The following SCN8A variants were observed in gnomAD, a reference collection of about 807,000 sequenced individuals.
The protein encoded by SCN8A is sodium channel protein type 8 subunit alpha.
In SCN8A, 30 loss-of-function variants were observed where a neutral mutation model predicts 184.1. The ratio of observed to expected loss-of-function variants is 0.16; its 90% CI spans 0.12 to 0.22. The LOEUF (loss-of-function observed/expected upper bound fraction) is 0.22. SCN8A is among the 10% of genes least tolerant of loss of function. The pLI, the probability that SCN8A is intolerant of heterozygous loss-of-function variation, is 1.00. For missense variants in SCN8A, 1,057 were observed against 2,498.9 expected (o/e 0.42, Z 12.30); for synonymous variants, 852 against 907.0 (o/e 0.94, Z 1.09).
Position 51,809,616 on chromosome 12 carries a change from A to C in SCN8A, c.*2187A>C, listed in dbSNP as rs187216558. ...CTGCTAACTGCTAGGATGAATGTAT[A>C]GTAACATGTACAGGCTACATTGTAA... is the stretch of plus-strand genomic sequence containing the variant. On this transcript the variant is annotated 3_prime_UTR_variant, in exon 27 of 27. Coordinates refer to ENST00000627620, the MANE Select transcript of SCN8A (RefSeq NM_001330260.2). 6.6e-6 allele frequency: 1 copy of C among 152,384 alleles called. No homozygotes were observed. Among genetic ancestry groups the C allele is most frequent in the Admixed American group, 6.5e-5 (1 of 15,312 alleles). The allele number at this position is 152,384 out of a possible 1,614,324, so 9.4% of individuals were successfully genotyped here. A position where few individuals can be genotyped will look rare whatever the true frequency, so the allele number is the denominator to read the frequency against.
intron 20 of SCN8A, among the ~76,000 whole-genome samples, chr12:51,779,940 G>A (rs1284637872): frequency 6.6e-6 from 1 of 152,072 alleles, no homozygotes; most frequent in Non-Finnish European, 1.5e-5. Flanking sequence ...AGAGATAGAA[G>A]GATGTATTTA....
intron 1 of SCN8A, among the ~76,000 whole-genome samples, chr12:51,618,504 CACACAG>C (rs1318474661): frequency 1.5e-3 from 159 of 105,130 alleles, no homozygotes; most frequent in African/African-American, 4.7e-3. Context: ...CACACACACA[CACACAG>C]AAAGAAAAAA....
intron 1 of SCN8A, among the ~76,000 whole-genome samples, chr12:51,616,051 G>C (rs1335579490): frequency 6.6e-6 from 1 of 152,020 alleles, no homozygotes; most frequent in Non-Finnish European, 1.5e-5. Flanking sequence ...ATATTTTAAA[G>C]ACCCTAAAAG....
chr12:51,642,088 C>T lies in SCN8A; in HGVS notation c.-54-20676C>T, dbSNP rs35759569. 2.1e-3 allele frequency among the ~76,000 whole-genome samples: 327 copies of T among 152,360 alleles called. 2 individuals are homozygous for T. The highest frequency in any genetic ancestry group is 4.1e-3 in the Non-Finnish European group (277 of 68,034). The stretch of plus-strand genomic sequence containing the variant: ...GCACCATGCTCTGCAGCGTCAGCCA[C>T]ATTCCTAGATTGCTCCTTCCTGGTC... On this transcript the variant is annotated intron_variant, in intron 1 of 26. Coordinates refer to ENST00000627620, the MANE Select transcript of SCN8A (RefSeq NM_001330260.2).
intron 1 of SCN8A, among the ~76,000 whole-genome samples, chr12:51,659,464 C>T (rs1225786357): frequency 6.6e-6 from 1 of 152,126 alleles, no homozygotes; most frequent in Non-Finnish European, 1.5e-5. Flanking sequence ...ATTATACCTT[C>T]AAAAAATTTA....
At chr12:51,631,378 A>T (rs1940192945) in intron 1 of SCN8A, among the ~76,000 whole-genome samples, 1 of 152,184 alleles carries the variant, frequency 6.6e-6, no homozygotes, top group Non-Finnish European at 1.5e-5. Context: ...AGAAAACCTT[A>T]CTTGGGGGTC....
intron 2 of SCN8A, among the ~76,000 whole-genome samples, chr12:51,677,322 A>C (rs1941239344): frequency 1.3e-5 from 2 of 152,030 alleles, no homozygotes; most frequent in Admixed American, 6.6e-5. Flanking sequence ...TCCTGGGCTC[A>C]AGCGATCTTC....
At chr12:51,744,252 G>A (rs554657436) in intron 12 of SCN8A, among the ~76,000 whole-genome samples, 7 of 152,334 alleles carry the variant, frequency 4.6e-5, no homozygotes, top group Admixed American at 1.3e-4. Flanking sequence ...GCGGTAAGCC[G>A]AGATCATGCC....
intron 11 of SCN8A, among the ~76,000 whole-genome samples, chr12:51,710,652 C>G (rs919150316): frequency 3.9e-5 from 6 of 152,076 alleles, no homozygotes; most frequent in Non-Finnish European, 8.8e-5. Context: ...GAACAAGACC[C>G]TGTCTCCAAA....
At chr12:51,662,620 A>G (rs1355226364) in intron 1 of SCN8A, 144 bp from the exon 2 acceptor site, 4 of 599,126 alleles carry the variant, frequency 6.7e-6, no homozygotes, top group Non-Finnish European at 1.2e-5. Flanking sequence ...AGATTTCCTG[A>G]AAAGAAAAAT....
intron 6 of SCN8A, among the ~76,000 whole-genome samples, chr12:51,698,362 C>T (rs998135494): frequency 3.9e-5 from 6 of 152,222 alleles, no homozygotes; most frequent in Admixed American, 3.9e-4. Flanking sequence ...GATTAGGATT[C>T]CCTTGAATTT....
At chr12:51,637,159 A>G (rs1309105042) in intron 1 of SCN8A, among the ~76,000 whole-genome samples, 9 of 152,304 alleles carry the variant, frequency 5.9e-5, no homozygotes, top group African/African-American at 1.9e-4. Context: ...AGGGAACTTA[A>G]TAAATGTTAT....
chr12:51,735,610 C>A (rs573459129), intron 12 of SCN8A, among the ~76,000 whole-genome samples: 1 of 152,166 alleles, frequency 6.6e-6, no homozygotes, highest in Admixed American at 6.5e-5. Context: ...CTGGTTGTCC[C>A]GCTTTCCTCA....
At chr12:51,601,864 T>G (rs1939473369) in intron 1 of SCN8A, among the ~76,000 whole-genome samples, 1 of 150,038 alleles carries the variant, frequency 6.7e-6, no homozygotes, top group South Asian at 2.1e-4. Context: ...GGTTTTTTTT[T>G]TTTTTTTTTT....
Position 51,765,665 on chromosome 12 carries a change from C to G in SCN8A, c.2545-6C>G. ...ATTTTTTTGTTTGGGTTTTTTTTTT[C>G]CTTAGCTCCGAGTCTTCAAATTGGC... On this transcript the variant is annotated splice_region_variant and splice_polypyrimidine_tract_variant and intron_variant, in intron 15 of 26. Coordinates refer to ENST00000627620, the MANE Select transcript of SCN8A (RefSeq NM_001330260.2). 1 of 1,205,720 alleles carries G rather than the reference C, an allele frequency of 8.3e-7. No individual in the cohort carries two copies. Among genetic ancestry groups the G allele is most frequent in the Non-Finnish European group, 1.1e-6 (1 of 920,216 alleles). The allele number at this position is 1,205,720 out of a possible 1,614,324, so 74.7% of individuals were successfully genotyped here. A position where few individuals can be genotyped will look rare whatever the true frequency, so the allele number is the denominator to read the frequency against.
At chr12:51,615,849 A>G (rs1939825093) in intron 1 of SCN8A, among the ~76,000 whole-genome samples, 1 of 152,102 alleles carries the variant, frequency 6.6e-6, no homozygotes, top group Non-Finnish European at 1.5e-5. Context: ...TCCTGGGTAG[A>G]TAGGACTATA....
chr12:51,658,326 C>T (rs1472802111), intron 1 of SCN8A, among the ~76,000 whole-genome samples: 1 of 151,886 alleles, frequency 6.6e-6, no homozygotes, highest in Non-Finnish European at 1.5e-5. Flanking sequence ...GATCTTTCAC[C>T]TTCCTGGTTA....
At chr12:51,794,233 C>A (rs957163198) in intron 25 of SCN8A, 138 bp from the exon 26 acceptor site, 1 of 751,746 alleles carries the variant, frequency 1.3e-6, no homozygotes, top group East Asian at 2.5e-5. Context: ...CATCCATGCT[C>A]CTGATAGAGC....
intron 2 of SCN8A, among the ~76,000 whole-genome samples, chr12:51,679,531 G>T (rs1036429703): frequency 1.3e-5 from 2 of 152,128 alleles, no homozygotes; most frequent in African/African-American, 4.8e-5. Flanking sequence ...AGTTACAGGG[G>T]TAAGTTGTTT....
Sources: allele counts gnomAD v4.1 joint callset (sites outside exome capture counted in the v4.1 genomes callset), GRCh38; gene constraint gnomAD v4.1.1; transcripts MANE v1.5; gene names NCBI Gene and HGNC (gene_info 2026-07-23, HGNC 2026-07-21).